The following FAM174B variants were observed in gnomAD, a reference collection of about 807,000 sequenced individuals.
FAM174B encodes family with sequence similarity 174 member B, also known as membrane protein FAM174B.
A neutral mutation model predicts 10.9 loss-of-function variants in FAM174B; 12 were observed. The ratio of observed to expected loss-of-function variants is 1.10; its 90% confidence interval spans 0.71 to 1.79. The LOEUF is 1.79. Ranked by LOEUF, FAM174B falls within the 40% of genes most tolerant of loss-of-function variation. The probability of loss-of-function intolerance (pLI) is 0.00; values close to 1 mark genes in which losing one functional copy is unlikely to be tolerated. For missense variants in FAM174B, 266 were observed against 233.3 expected (o/e 1.14, Z -0.91); for synonymous variants, 132 against 115.8 (o/e 1.14, Z -0.90).
chr15:92,652,930 G>A (rs1416607037), intron 1 of FAM174B, among the ~76,000 whole-genome samples: 1 of 152,228 alleles, frequency 6.6e-6, no homozygotes, highest in Non-Finnish European at 1.5e-5. Flanking sequence ...GCACAGATGA[G>A]GTGCTGGCCC....
intron 1 of FAM174B, among the ~76,000 whole-genome samples, chr15:92,630,667 TAATACACA>T (rs374004598): frequency 2.7e-4 from 39 of 143,592 alleles, no homozygotes; most frequent in African/African-American, 1.1e-3. Flanking sequence ...GCAAGATAAA[TAATACACA>T]AATGCAATAT....
chr15:92,647,386 T>C (rs2050935302), intron 1 of FAM174B, among the ~76,000 whole-genome samples: 2 of 152,186 alleles, frequency 1.3e-5, no homozygotes, highest in South Asian at 2.1e-4. Flanking sequence ...CCCTGTGGGA[T>C]TGGACGGCTC....
chr15:92,631,656 G>A (rs541840260), intron 1 of FAM174B, among the ~76,000 whole-genome samples: 153 of 147,180 alleles, frequency 1.0e-3, no homozygotes, highest in African/African-American at 3.4e-3. Context: ...CACCACACCC[G>A]GCTAATTTTT....
chr15:92,633,368 T>G (rs1487544159), intron 1 of FAM174B, among the ~76,000 whole-genome samples: 1 of 152,216 alleles, frequency 6.6e-6, no homozygotes, highest in Non-Finnish European at 1.5e-5. Context: ...AAACATTGTT[T>G]ACCAAAGTGT....
At chr15:92,620,436 C>T (rs1426192725) in intron 2 of FAM174B, among the ~76,000 whole-genome samples, 1 of 152,070 alleles carries the variant, frequency 6.6e-6, no homozygotes, top group Non-Finnish European at 1.5e-5. Flanking sequence ...AGGCAGAGCT[C>T]GCAGTGAGCA....
intron 1 of FAM174B, among the ~76,000 whole-genome samples, chr15:92,632,768 C>T (rs777552016): frequency 6.6e-6 from 1 of 151,996 alleles, no homozygotes; most frequent in Non-Finnish European, 1.5e-5. Flanking sequence ...GCGATCCTCC[C>T]GCCTCAGCCT....
Position 92,655,511 on chromosome 15 carries a change from C to G in FAM174B, c.149G>C (p.Gly50Ala), listed in dbSNP as rs2050997999. Reference sequence around the variant, plus strand: ...CCCAAACCGGGTGGTGTTCCCGGGCCCCGGGCCGGGCGGTGGCCGCGACTC... The same window carrying G: ...CCCAAACCGGGTGGTGTTCCCGGGCGCCGGGCCGGGCGGTGGCCGCGACTC... ...ERESRPPPGP[G>A]PGNTTRFGSG... The change falls in exon 1 of 3, where the codon GGG (glycine) becomes GCG (alanine). Residue 50 changes from glycine to alanine, a missense_variant. By Grantham distance (60) the Gly-to-Ala change is moderately conservative. Transcript: ENST00000327355. The G allele has an allele frequency of 6.7e-7, 1 of 1,503,218 alleles. No homozygotes were observed. Among genetic ancestry groups the G allele is most frequent in the South Asian group, 1.3e-5 (1 of 79,312 alleles). 93.1% of individuals were successfully genotyped at this position (1,503,218 alleles called of 1,614,324 possible).
chr15:92,632,012 A>G (rs2050822525), intron 1 of FAM174B, among the ~76,000 whole-genome samples: 1 of 149,336 alleles, frequency 6.7e-6, no homozygotes, highest in African/African-American at 2.5e-5. Context: ...TCCCTTACAA[A>G]CCAGGTGAGG....
At chr15:92,653,689 A>T (rs2050981901) in intron 1 of FAM174B, among the ~76,000 whole-genome samples, 1 of 152,236 alleles carries the variant, frequency 6.6e-6, no homozygotes, top group African/African-American at 2.4e-5. Context: ...CCTCATTCAA[A>T]TGTCCAGGAA....
In FAM174B at chr15:92,630,341, C is replaced by T. The variant is rs1210231811; in HGVS notation, c.349G>A (p.Gly117Arg). Reference sequence around the variant, plus strand: ...TTGCGTGTCTTCTTTAACCTCTTTCCCGACCTGCAGGAGAAGAAGCACATT... The same window carrying T: ...TTGCGTGTCTTCTTTAACCTCTTTCTCGACCTGCAGGAGAAGAAGCACATT... Reference protein sequence around the residue: ...ACLLLRVFRSGKRLKKTRKYD... With the variant: ...ACLLLRVFRSRKRLKKTRKYD... The change falls in exon 2 of 3, where the codon GGA (glycine) becomes AGA (arginine). Residue 117 changes from glycine (G) to arginine (R), a missense_variant. Transcript: ENST00000327355. 2 of 1,610,694 alleles carry T rather than the reference C, an allele frequency of 1.2e-6. No homozygotes were observed. The highest frequency in any genetic ancestry group is 1.7e-6 in the Non-Finnish European group (2 of 1,178,210).
At chr15:92,622,968 C>T (rs149570029) in intron 2 of FAM174B, among the ~76,000 whole-genome samples, 2 of 152,124 alleles carry the variant, frequency 1.3e-5, no homozygotes, top group East Asian at 3.9e-4. Flanking sequence ...CCAGCCTGGC[C>T]AATATGGGGA....
intron 1 of FAM174B, among the ~76,000 whole-genome samples, chr15:92,638,381 A>T (rs533008002): frequency 6.6e-6 from 1 of 152,310 alleles, no homozygotes; most frequent in East Asian, 1.9e-4. Flanking sequence ...AGCTGCTCAG[A>T]AACAGGTTTC....
At chr15:92,637,294 G>T (rs1253504887) in intron 1 of FAM174B, among the ~76,000 whole-genome samples, 1 of 152,234 alleles carries the variant, frequency 6.6e-6, no homozygotes, top group Non-Finnish European at 1.5e-5. Context: ...AAGCCATCAT[G>T]CCACCATCTA....
intron 1 of FAM174B, among the ~76,000 whole-genome samples, chr15:92,640,542 A>C (rs1191413962): frequency 1.0e-5 from 1 of 98,402 alleles, no homozygotes; most frequent in Non-Finnish European, 1.9e-5. Flanking sequence ...ACAAAGTGAG[A>C]CTCCATCTCA....
chr15:92,640,749 T>C (rs1376307645), intron 1 of FAM174B, among the ~76,000 whole-genome samples: 1 of 151,690 alleles, frequency 6.6e-6, no homozygotes, highest in Non-Finnish European at 1.5e-5. Context: ...GGTTAAAGTG[T>C]TTATCCTGCC....
intron 2 of FAM174B, among the ~76,000 whole-genome samples, chr15:92,626,824 G>A (rs191146843): frequency 2.0e-5 from 3 of 152,096 alleles, no homozygotes; most frequent in Admixed American, 1.3e-4. Context: ...AGGCCGAGGC[G>A]GGTGGATCAC....
chr15:92,622,700 G>C (rs1426515948), intron 2 of FAM174B, among the ~76,000 whole-genome samples: 1 of 152,200 alleles, frequency 6.6e-6, no homozygotes, highest in Non-Finnish European at 1.5e-5. Flanking sequence ...CTTCTCCCTG[G>C]AATGCCCTCA....
At chr15:92,651,450 A>G (rs187194778) in intron 1 of FAM174B, among the ~76,000 whole-genome samples, 24 of 152,358 alleles carry the variant, frequency 1.6e-4, no homozygotes, top group Admixed American at 1.3e-3. Context: ...GTGAATAATA[A>G]AAAAATATGA....
intron 1 of FAM174B, among the ~76,000 whole-genome samples, chr15:92,630,859 CATATTACATATT>C (rs2050792373): frequency 1.8e-5 from 1 of 57,108 alleles, no homozygotes; most frequent in East Asian, 3.1e-4. Context: ...TTACATGTTA[CATATTACATATT>C]ATATATTATA....
Sources: gnomAD v4.1 joint callset for allele counts (sites outside exome capture counted in the v4.1 genomes callset) on GRCh38, gnomAD v4.1.1 for gene constraint, MANE v1.5 for transcripts, NCBI Gene and HGNC (gene_info 2026-07-23, HGNC 2026-07-21) for gene names.